Variants in FGD4 observed in about 807,000 individuals in gnomAD.
FGD4 encodes FYVE, RhoGEF and PH domain-containing protein 4.
FGD4 carries 42 observed loss-of-function variants against 102.0 expected under a neutral mutation model. That is an observed-to-expected ratio of 0.41 (90% CI 0.32 to 0.53). The LOEUF (loss-of-function observed/expected upper bound fraction) is 0.53, where lower values mean the gene tolerates loss of function less well. Ranked by LOEUF, FGD4 falls within the 20% of genes least tolerant of loss-of-function variation. The pLI is 0.21. For missense variants in FGD4, 902 were observed against 1,078.2 expected, an observed-to-expected ratio of 0.84 and a Z score of 2.29; for synonymous variants, 380 against 375.7, an observed-to-expected ratio of 1.01 and a Z score of -0.13.
intron 1 of FGD4, among the ~76,000 whole-genome samples, chr12:32,525,797 A>G (rs894707386): frequency 6.6e-6 from 1 of 152,228 alleles, no homozygotes; most frequent in African/African-American, 2.4e-5. Flanking sequence ...GCCCCAGGCA[A>G]TGGGGGACTT....
intron 1 of FGD4, among the ~76,000 whole-genome samples, chr12:32,475,483 A>G (rs1451651872): frequency 2.0e-5 from 3 of 152,202 alleles, no homozygotes; most frequent in Non-Finnish European, 4.4e-5. Flanking sequence ...TTGGTACTCA[A>G]AGCACCCACT....
chr12:32,528,762 T>C (rs1592122106), intron 1 of FGD4, among the ~76,000 whole-genome samples: 2 of 152,348 alleles, frequency 1.3e-5, no homozygotes, highest in Admixed American at 1.3e-4. Context: ...TATGTAGTTA[T>C]ATTTTTAAAA....
intron 4 of FGD4, among the ~76,000 whole-genome samples, chr12:32,594,927 G>A (rs570761894): frequency 6.6e-6 from 1 of 151,888 alleles, no homozygotes; most frequent in East Asian, 1.9e-4. Context: ...GCTGCTTGGG[G>A]GGCTGAGGCA....
intron 1 of FGD4, among the ~76,000 whole-genome samples, chr12:32,525,417 C>A (rs1202241138): frequency 6.6e-6 from 1 of 152,188 alleles, no homozygotes; most frequent in East Asian, 1.9e-4. Flanking sequence ...GTACTTTATT[C>A]TGTGTACTTT....
intron 10 of FGD4, among the ~76,000 whole-genome samples, chr12:32,619,357 G>C (rs948040276): frequency 6.6e-6 from 1 of 152,034 alleles, no homozygotes; most frequent in Non-Finnish European, 1.5e-5. Flanking sequence ...AGCCGGGTGC[G>C]GTGGCTCACA....
intron 1 of FGD4, among the ~76,000 whole-genome samples, chr12:32,560,271 G>A (rs1342071217): frequency 6.6e-6 from 1 of 152,144 alleles, no homozygotes; most frequent in Admixed American, 6.5e-5. Context: ...TTTTGAGATG[G>A]TGTCTCGCTC....
In FGD4 at chr12:32,420,120, G is replaced by A. The variant is rs147107251; in HGVS notation, c.166+20161G>A. ...TTGATGTTCCTCCTGGGGGTGAGGG[G>A]GGTGACAAACAGTGTAGGCTTCTTC... On this transcript the variant is annotated intron_variant, in intron 1 of 16. Transcript: ENST00000534526. 2.3e-3 allele frequency among the ~76,000 whole-genome samples: 346 copies of A among 152,254 alleles called. 4 individuals are homozygous for A. Among genetic ancestry groups the A allele is most frequent in the African/African-American group, 8.1e-3 (335 of 41,560 alleles).
In FGD4 at chr12:32,642,836, A is replaced by G. The variant is rs112018250; in HGVS notation, c.*2303A>G. The stretch of plus-strand genomic sequence containing the variant: ...AAAGAATCACTGATGTTTTTACTCA[A>G]TGAAAGGTAAAGTAATACCCTTAGC... On this transcript the variant is annotated 3_prime_UTR_variant, in exon 17 of 17. Transcript: ENST00000534526. The G allele has an allele frequency of 1.2e-3, 176 of 152,646 alleles. 1 individual carries two copies. Among genetic ancestry groups the G allele is most frequent in the African/African-American group, 3.9e-3 (163 of 41,566 alleles). The allele number at this position is 152,646 out of a possible 1,614,324, so 9.5% of individuals were successfully genotyped here. A position where few individuals can be genotyped will look rare whatever the true frequency, so the allele number is the denominator to read the frequency against.
intron 1 of FGD4, among the ~76,000 whole-genome samples, chr12:32,415,713 C>G (rs1941386859): frequency 6.6e-6 from 1 of 152,214 alleles, no homozygotes; most frequent in Admixed American, 6.5e-5. Context: ...AGCCACCGCG[C>G]CCAGCCTCTT....
At chr12:32,497,340 C>T (rs1937883956) in intron 1 of FGD4, among the ~76,000 whole-genome samples, 1 of 152,066 alleles carries the variant, frequency 6.6e-6, no homozygotes, top group Non-Finnish European at 1.5e-5. Flanking sequence ...TACATTTTTG[C>T]TCTAAATCAC....
At position 32,576,331 on chromosome 12, in the gene FGD4, A is replaced by C; in HGVS notation, c.385A>C (p.Lys129Gln). 1.9e-6 allele frequency: 3 copies of C among 1,614,078 alleles called. No homozygotes were observed. The highest frequency in any genetic ancestry group is 2.5e-6 in the Non-Finnish European group (3 of 1,179,972). Residue 129 changes from lysine (K) to glutamine (Q), a missense_variant, in exon 3 of 17, where the codon AAA (lysine) becomes CAA (glutamine). This residue lies in a region of FGD4 where 443 missense variants were observed against 459.2 expected (regional missense o/e 0.96). Transcript: ENST00000534526. ...SSNIHQTPRH[K>Q]ALPSAKPRME... The stretch of plus-strand genomic sequence containing the variant: ...CAATATACACCAAACCCCCAGGCAT[A>C]AAGCTTTACCTAGTGCAAAACCAAG...
intron 1 of FGD4, among the ~76,000 whole-genome samples, chr12:32,540,087 A>G (rs943485329): frequency 2.0e-5 from 3 of 152,204 alleles, no homozygotes; most frequent in Non-Finnish European, 4.4e-5. Context: ...TTTATCTAAA[A>G]TTGACCATTT....
chr12:32,613,300 G>T (rs193009155), intron 10 of FGD4, among the ~76,000 whole-genome samples: 2 of 152,310 alleles, frequency 1.3e-5, no homozygotes, highest in African/African-American at 4.8e-5. Flanking sequence ...ATGCAGAGGG[G>T]TGTTCAGTAC....
At chr12:32,403,841 C>T (rs1455018628) in intron 1 of FGD4, among the ~76,000 whole-genome samples, 6 of 151,986 alleles carry the variant, frequency 3.9e-5, no homozygotes, top group Admixed American at 6.6e-5. Context: ...GTGATCCGCC[C>T]GCCTCGGCCT....
intron 4 of FGD4, among the ~76,000 whole-genome samples, chr12:32,591,326 T>C (rs1947458005): frequency 6.6e-6 from 1 of 152,238 alleles, no homozygotes; most frequent in South Asian, 2.1e-4. Context: ...TAGGAAAAGC[T>C]GCAAAACCTT....
At chr12:32,579,561 T>C (rs1946426850) in intron 3 of FGD4, 1 of 152,232 alleles carries the variant, frequency 6.6e-6, no homozygotes, top group Non-Finnish European at 1.5e-5. Context: ...AAGCCATCCT[T>C]TAGATAAGAC....
chr12:32,481,599 G>T (rs1479570081), intron 1 of FGD4, among the ~76,000 whole-genome samples: 1 of 152,176 alleles, frequency 6.6e-6, no homozygotes, highest in East Asian at 1.9e-4. Context: ...GAGGCGGGTG[G>T]ATCAGGAGAT....
At chr12:32,545,762 T>G (rs1473424655) in intron 1 of FGD4, among the ~76,000 whole-genome samples, 1 of 152,218 alleles carries the variant, frequency 6.6e-6, no homozygotes, top group Non-Finnish European at 1.5e-5. Flanking sequence ...AGGTGTTAGA[T>G]GAGTGCTTGT....
chr12:32,484,003 C>CA (rs1220882472), intron 1 of FGD4, among the ~76,000 whole-genome samples: 1 of 152,106 alleles, frequency 6.6e-6, no homozygotes, highest in East Asian at 1.9e-4. Flanking sequence ...ATCACCACTG[C>CA]ATTACAGTAT....
Sources: gnomAD v4.1 joint callset for allele counts (sites outside exome capture counted in the v4.1 genomes callset) on GRCh38, gnomAD v4.1.1 for gene constraint, gnomAD v4.1.1 regional missense constraint, MANE v1.5 for transcripts, NCBI Gene and HGNC (gene_info 2026-07-23, HGNC 2026-07-21) for gene names.